The following NOX4 variants were observed in gnomAD, a reference collection of about 807,000 sequenced individuals.
The protein encoded by NOX4 is kidney oxidase-1.
Under a neutral mutation model 87.6 loss-of-function variants are expected in NOX4, and 69 were observed. That is an observed-to-expected ratio of 0.79 (90% confidence interval 0.65 to 0.96). The LOEUF (loss-of-function observed/expected upper bound fraction) is 0.96. NOX4 is among the 40% of genes least tolerant of loss of function. NOX4 has a pLI of 0.00. For missense variants in NOX4, 680 were observed against 681.5 expected (o/e 1.00, Z 0.02); for synonymous variants, 275 against 238.2 (o/e 1.15, Z -1.42).
the NOX4 span, among the ~76,000 whole-genome samples, chr11:89,560,792 A>C: frequency 6.7e-6 from 1 of 150,372 alleles, no homozygotes; most frequent in African/African-American, 2.5e-5. Context: ...TACACCAGCA[A>C]CTCCCTGAGT....
chr11:89,495,961 A>C (rs950769644), upstream of NOX4, among the ~76,000 whole-genome samples: 1 of 152,204 alleles, frequency 6.6e-6, no homozygotes, highest in African/African-American at 2.4e-5. Flanking sequence ...CCCAGTATGC[A>C]GCATAAACTG....
intron 8 of NOX4, among the ~76,000 whole-genome samples, chr11:89,406,112 G>T (rs1942166632): frequency 6.6e-6 from 1 of 152,076 alleles, no homozygotes; most frequent in Non-Finnish European, 1.5e-5. Flanking sequence ...TGAGTAAAGA[G>T]TAAAAGTGCT....
intron 11 of NOX4, among the ~76,000 whole-genome samples, chr11:89,392,002 C>T (rs917061804): frequency 1.3e-5 from 2 of 150,520 alleles, no homozygotes; most frequent in Non-Finnish European, 3.0e-5. Context: ...TCCTCCTGTG[C>T]CCCCTCTCCC....
intron 7 of NOX4, among the ~76,000 whole-genome samples, chr11:89,428,933 A>G (rs993748398): frequency 6.6e-6 from 1 of 152,220 alleles, no homozygotes; most frequent in African/African-American, 2.4e-5. Flanking sequence ...ACCACATCGC[A>G]CTTATTCCAA....
chr11:89,502,991 G>A (rs148677704), upstream of NOX4, among the ~76,000 whole-genome samples: 1 of 152,068 alleles, frequency 6.6e-6, no homozygotes, highest in East Asian at 1.9e-4. Context: ...CTCCTCAAGA[G>A]TTGAATTATT....
intron 15 of NOX4, among the ~76,000 whole-genome samples, chr11:89,339,151 T>C (rs537636307): frequency 1.3e-5 from 2 of 152,262 alleles, no homozygotes; most frequent in East Asian, 3.9e-4. Flanking sequence ...GATATCCATT[T>C]CAGCATTCTT....
At chr11:89,569,348 TAAAC>T in the NOX4 span, among the ~76,000 whole-genome samples, 14 of 152,028 alleles carry the variant, frequency 9.2e-5, no homozygotes, top group Admixed American at 5.9e-4. Flanking sequence ...ATAAGGAACT[TAAAC>T]AAACAAACAA....
At chr11:89,521,938 A>G in the NOX4 span, among the ~76,000 whole-genome samples, 1 of 152,186 alleles carries the variant, frequency 6.6e-6, no homozygotes, top group South Asian at 2.1e-4. Context: ...GCTCAACATC[A>G]CTGATCATTG....
At chr11:89,462,170 A>T (rs1945498878) in intron 2 of NOX4, among the ~76,000 whole-genome samples, 1 of 152,160 alleles carries the variant, frequency 6.6e-6, no homozygotes, top group Non-Finnish European at 1.5e-5. Context: ...AACTTAACAA[A>T]AAAACAAACC....
chr11:89,428,161 G>A (rs1157377693), intron 7 of NOX4, among the ~76,000 whole-genome samples: 1 of 152,104 alleles, frequency 6.6e-6, no homozygotes, highest in East Asian at 1.9e-4. Context: ...TTACAGACAA[G>A]CAAATGCTGA....
chr11:89,474,848 G>T (rs151244602), intron 2 of NOX4, among the ~76,000 whole-genome samples: 1 of 151,674 alleles, frequency 6.6e-6, no homozygotes, highest in Non-Finnish European at 1.5e-5. Context: ...TAAATAAGCC[G>T]TACAAAGTCA....
the NOX4 span, among the ~76,000 whole-genome samples, chr11:89,524,661 A>C: frequency 6.6e-6 from 1 of 152,086 alleles, no homozygotes; most frequent in Non-Finnish European, 1.5e-5. Context: ...GAAGATACAG[A>C]ACATTTTCTT....
At chr11:89,567,114 T>A in the NOX4 span, among the ~76,000 whole-genome samples, 1 of 152,164 alleles carries the variant, frequency 6.6e-6, no homozygotes, top group Non-Finnish European at 1.5e-5. Context: ...ATCTGGTCCA[T>A]GGGACGGGGC....
intron 2 of NOX4, among the ~76,000 whole-genome samples, chr11:89,469,021 C>G (rs1425043442): frequency 6.6e-6 from 1 of 152,162 alleles, no homozygotes; most frequent in Non-Finnish European, 1.5e-5. Flanking sequence ...TGAGCCACCA[C>G]ACAAGGCCTG....
intron 2 of NOX4, among the ~76,000 whole-genome samples, chr11:89,462,943 T>A (rs1442430104): frequency 6.6e-6 from 1 of 151,892 alleles, no homozygotes; most frequent in Non-Finnish European, 1.5e-5. Flanking sequence ...AAGAAAAAGA[T>A]AGATATATGA....
intron 2 of NOX4, 43 bp from the exon 3 acceptor site, chr11:89,451,938 G>C: frequency 7.7e-7 from 1 of 1,306,906 alleles, no homozygotes. Context: ...AAGGACAGTA[G>C]TAAAGCCCTG....
At chr11:89,560,996 C>CTCTCTATATA in the NOX4 span, among the ~76,000 whole-genome samples, 23 of 40,804 alleles carry the variant, frequency 5.6e-4, no homozygotes, top group African/African-American at 2.2e-3. Context: ...CTCTCTCTCT[C>CTCTCTATATA]TATATATATA....
At chr11:89,433,003 C>T in intron 6 of NOX4, 147 bp from the exon 7 acceptor site, 1 of 602,080 alleles carries the variant, frequency 1.7e-6, no homozygotes, top group Non-Finnish European at 3.0e-6. Context: ...CTCCCTCAAA[C>T]AAGCCCTTTA....
chr11:89,424,579 A>C (rs199983973), intron 7 of NOX4, among the ~76,000 whole-genome samples: 1 of 151,892 alleles, frequency 6.6e-6, no homozygotes, highest in South Asian at 2.1e-4. Context: ...ACTGGCTTTT[A>C]TATTTTTTAA....
Sources: allele counts gnomAD v4.1 joint callset (sites outside exome capture counted in the v4.1 genomes callset), GRCh38; gene constraint gnomAD v4.1.1; transcripts MANE v1.5; gene names NCBI Gene and HGNC (gene_info 2026-07-23, HGNC 2026-07-21).